Variants in THSD7A observed in about 807,000 individuals in gnomAD.
The protein encoded by THSD7A is thrombospondin type 1 domain containing 7A, also known as thrombospondin type-1 domain-containing protein 7A.
THSD7A carries 96 observed loss-of-function variants against 231.3 expected under a neutral mutation model. That is an observed-to-expected ratio of 0.41 (90% CI 0.35 to 0.49). THSD7A has a LOEUF of 0.49. THSD7A is among the 20% of genes least tolerant of loss of function. The probability of loss-of-function intolerance (pLI) is 0.05; values close to 1 mark genes in which losing one functional copy is unlikely to be tolerated. For synonymous variants in THSD7A, 940 were observed against 743.3 expected, an observed-to-expected ratio of 1.26 and a Z score of -4.30; for missense variants, 2,290 against 2,070.2, an observed-to-expected ratio of 1.11 and a Z score of -2.06.
At chr7:11,553,206 T>C (rs1305148149) in intron 4 of THSD7A, among the ~76,000 whole-genome samples, 1 of 152,174 alleles carries the variant, frequency 6.6e-6, no homozygotes, top group Non-Finnish European at 1.5e-5. Flanking sequence ...GAATGATTTC[T>C]ACTTAACAGT....
At position 11,493,094 on chromosome 7, in the gene THSD7A, G is replaced by A. The variant is rs548698458; in HGVS notation, c.1823-11112C>T. 2.4e-4 allele frequency among the ~76,000 whole-genome samples: 36 copies of A among 152,172 alleles called. No homozygotes were observed. In the South Asian group the frequency reaches 3.5e-3, roughly 15 times the overall value. Reference sequence around the variant, plus strand: ...AAAAGTTGCTCAGGGCTGTCTCAGCGTTATTAACATTTGTAAGAATTTGTA... The same window carrying A: ...AAAAGTTGCTCAGGGCTGTCTCAGCATTATTAACATTTGTAAGAATTTGTA... On this transcript the variant is annotated intron_variant, in intron 6 of 27. Transcript: ENST00000423059.
chr7:11,439,806 A>G (rs979623997), intron 13 of THSD7A, among the ~76,000 whole-genome samples: 3 of 152,068 alleles, frequency 2.0e-5, no homozygotes, highest in Non-Finnish European at 4.4e-5. Context: ...TATAACATAA[A>G]AGTGCAAAGT....
intron 23 of THSD7A, among the ~76,000 whole-genome samples, chr7:11,390,713 C>G (rs1782947948): frequency 6.6e-6 from 1 of 152,206 alleles, no homozygotes; most frequent in Non-Finnish European, 1.5e-5. Context: ...GCTAGTTTCT[C>G]CCCATCTTCG....
chr7:11,829,811 A>G (rs181734652), intron 1 of THSD7A, among the ~76,000 whole-genome samples: 1 of 152,124 alleles, frequency 6.6e-6, no homozygotes, highest in Non-Finnish European at 1.5e-5. Flanking sequence ...GTAAAAAAAA[A>G]AAAATAAAGA....
chr7:11,722,913 G>T (rs1433305708), intron 1 of THSD7A, among the ~76,000 whole-genome samples: 1 of 152,004 alleles, frequency 6.6e-6, no homozygotes, highest in East Asian at 2.0e-4. Context: ...GTGGAAGTCA[G>T]TGTGGCGATT....
At chr7:11,787,977 A>T (rs1192173037) in intron 1 of THSD7A, among the ~76,000 whole-genome samples, 1 of 152,088 alleles carries the variant, frequency 6.6e-6, no homozygotes, top group Non-Finnish European at 1.5e-5. Flanking sequence ...GCCTGCTGGA[A>T]TTCCAACTGA....
chr7:11,398,132 A>C (rs1273288347), intron 23 of THSD7A, among the ~76,000 whole-genome samples: 1 of 152,228 alleles, frequency 6.6e-6, no homozygotes, highest in African/African-American at 2.4e-5. Flanking sequence ...ACTTGGAACC[A>C]ACCCAAATGC....
At chr7:11,763,706 T>C (rs142309236) in intron 1 of THSD7A, among the ~76,000 whole-genome samples, 32 of 152,240 alleles carry the variant, frequency 2.1e-4, no homozygotes, top group African/African-American at 7.2e-4. Flanking sequence ...TCATTTCCCT[T>C]AATGATTATA....
intron 2 of THSD7A, among the ~76,000 whole-genome samples, chr7:11,624,507 T>A (rs538686368): frequency 4.6e-5 from 7 of 152,286 alleles, no homozygotes; most frequent in African/African-American, 1.7e-4. Context: ...AAATGAGGTT[T>A]GACTTGGAAT....
chr7:11,635,959 A>G (rs1173045916), intron 2 of THSD7A, among the ~76,000 whole-genome samples, 171 bp downstream of exon 2: 1 of 152,106 alleles, frequency 6.6e-6, no homozygotes, highest in African/African-American at 2.4e-5. Context: ...TGGACACAAT[A>G]GAAACAACAC....
Position 11,444,013 on chromosome 7 carries a change from AGAC to A in THSD7A, c.3064+2045_3064+2047del, listed in dbSNP as rs1464213855. ...AGGATATGAACAGGCAGTTCTCAAAAGACGACATTTATGTGGCTAACAAACATA... is the reference window on the plus strand; with the variant it reads ...AGGATATGAACAGGCAGTTCTCAAAAGACATTTATGTGGCTAACAAACATA... On this transcript the variant is annotated intron_variant, in intron 13 of 27. Coordinates refer to ENST00000423059, the MANE Select transcript of THSD7A (RefSeq NM_015204.3). This position sits in a 1 kb window ranked among gnomAD's most constrained non-coding sequence, Gnocchi z 4.2. Among the ~76,000 whole-genome samples the A allele has an allele frequency of 6.6e-6, 1 of 152,152 alleles. No individual in the cohort carries two copies. The highest frequency in any genetic ancestry group is 1.9e-4 in the East Asian group (1 of 5,170).
rs900489056 is a variant in THSD7A at position 11,814,275 on chromosome 7, G to C, written c.190+17482C>G. On this transcript the variant is annotated intron_variant, in intron 1 of 27. Coordinates refer to ENST00000423059, the MANE Select transcript of THSD7A (RefSeq NM_015204.3). The surrounding 1 kb of genome is among the most constrained non-coding windows in gnomAD (Gnocchi z 5.1). The stretch of plus-strand genomic sequence containing the variant: ...CTTTAAATGGGTGATTGCATGCTAC[G>C]TGCATTCTATCAAATAAAGCTGTTA... 1.3e-5 allele frequency among the ~76,000 whole-genome samples: 2 copies of C among 152,110 alleles called. No homozygotes were observed. The highest frequency in any genetic ancestry group is 4.8e-5 in the African/African-American group (2 of 41,406).
chr7:11,374,331 C>A lies in THSD7A; in HGVS notation c.*1463G>T, dbSNP rs1782178264. 1.3e-5 allele frequency: 2 copies of A among 152,090 alleles called. No individual in the cohort carries two copies. The highest frequency in any genetic ancestry group is 4.8e-5 in the African/African-American group (2 of 41,448). 9.4% of individuals were successfully genotyped at this position (152,090 alleles called of 1,614,324 possible). ...TTACAGAAAAAGTTTGCCACTCTTG[C>A]TCTAGATATGCAATGAAGTCTTGGA... On this transcript the variant is annotated 3_prime_UTR_variant, in exon 28 of 28. Coordinates refer to ENST00000423059, the MANE Select transcript of THSD7A (RefSeq NM_015204.3).
At chr7:11,749,923 C>G (rs1376170638) in intron 1 of THSD7A, among the ~76,000 whole-genome samples, 1 of 151,774 alleles carries the variant, frequency 6.6e-6, no homozygotes, top group Non-Finnish European at 1.5e-5. Context: ...ACCACTGAGG[C>G]TGTATGAACA....
At chr7:11,382,444 C>A in intron 24 of THSD7A, 77 bp downstream of exon 24, 1 of 1,218,684 alleles carries the variant, frequency 8.2e-7, no homozygotes, top group African/African-American at 1.5e-5. Flanking sequence ...ACTTTGTTTC[C>A]TTAATTATTT....
intron 1 of THSD7A, among the ~76,000 whole-genome samples, chr7:11,769,374 A>G (rs1783154209): frequency 6.6e-6 from 1 of 151,578 alleles, no homozygotes; most frequent in Non-Finnish European, 1.5e-5. Flanking sequence ...TTGTAACCAA[A>G]GAATAGTTAA....
chr7:11,375,754 C>A lies in THSD7A; in HGVS notation c.*40G>T. 1 of 1,572,708 alleles carries A rather than the reference C, an allele frequency of 6.4e-7. No homozygotes were observed. Among genetic ancestry groups the A allele is most frequent in the South Asian group, 1.1e-5 (1 of 89,126 alleles). ...TGTGGCCTCTGGACATCTATGAAGT[C>A]AGAAAGCCGAAACTGGTTGTTGCCA... On this transcript the variant is annotated 3_prime_UTR_variant, in exon 28 of 28. Coordinates refer to ENST00000423059, the MANE Select transcript of THSD7A (RefSeq NM_015204.3).
chr7:11,659,704 A>G (rs1370191968), intron 1 of THSD7A, among the ~76,000 whole-genome samples: 1 of 151,528 alleles, frequency 6.6e-6, no homozygotes, highest in Admixed American at 6.6e-5. Context: ...TTGGTATTCC[A>G]TAAATACTGT....
At position 11,375,781 on chromosome 7, in the gene THSD7A, G is replaced by T; in HGVS notation, c.*13C>A. On this transcript the variant is annotated 3_prime_UTR_variant, in exon 28 of 28. Coordinates refer to ENST00000423059, the MANE Select transcript of THSD7A (RefSeq NM_015204.3). Reference sequence around the variant, plus strand: ...GAAAGCCGAAACTGGTTGTTGCCAGGAAAAGTTATATGTTACATGTCGGCA... The same window carrying T: ...GAAAGCCGAAACTGGTTGTTGCCAGTAAAAGTTATATGTTACATGTCGGCA... The T allele has an allele frequency of 6.2e-7, 1 of 1,610,008 alleles. No individual in the cohort carries two copies. Among genetic ancestry groups the T allele is most frequent in the Non-Finnish European group, 8.5e-7 (1 of 1,177,618 alleles).
Sources: allele counts gnomAD v4.1 joint callset (sites outside exome capture counted in the v4.1 genomes callset), GRCh38; gene constraint gnomAD v4.1.1; non-coding constraint Gnocchi (gnomAD v3.1); transcripts MANE v1.5; gene names NCBI Gene and HGNC (gene_info 2026-07-23, HGNC 2026-07-21).